The following CAMTA1 variants were observed in gnomAD, a reference collection of about 807,000 sequenced individuals.
The protein encoded by CAMTA1 is calmodulin-binding transcription activator 1.
Under a neutral mutation model 170.9 loss-of-function variants are expected in CAMTA1, and 27 were observed. The observed-to-expected ratio is 0.16, with a 90% CI of 0.12 to 0.22. The LOEUF (loss-of-function observed/expected upper bound fraction) is 0.22, where lower values mean the gene tolerates loss of function less well. Ranked by LOEUF, CAMTA1 falls within the 10% of genes least tolerant of loss-of-function variation. CAMTA1 has a pLI of 1.00. For missense variants in CAMTA1, 1,619 were observed against 2,217.2 expected (o/e 0.73, Z 5.42); for synonymous variants, 833 against 891.5 (o/e 0.93, Z 1.17).
At chr1:6,788,395 C>T (rs1422116008) in intron 1 of CAMTA1, among the ~76,000 whole-genome samples, 2 of 152,188 alleles carry the variant, frequency 1.3e-5, no homozygotes, top group Non-Finnish European at 2.9e-5. Flanking sequence ...GAGATTGGGT[C>T]AGCGCTAGTT....
intron 2 of CAMTA1, among the ~76,000 whole-genome samples, chr1:6,823,600 T>C (rs1646772056): frequency 6.6e-6 from 1 of 152,156 alleles, no homozygotes; most frequent in African/African-American, 2.4e-5. Flanking sequence ...TTCTATATGA[T>C]GTAGTAAATT....
At chr1:7,078,210 G>T (rs1036634587) in intron 3 of CAMTA1, among the ~76,000 whole-genome samples, 2 of 152,216 alleles carry the variant, frequency 1.3e-5, no homozygotes, top group Admixed American at 6.5e-5. Flanking sequence ...CAAGGTTGAA[G>T]AAGAAGCCAA....
chr1:7,586,520 G>C (rs994895046), intron 6 of CAMTA1, among the ~76,000 whole-genome samples: 1 of 152,132 alleles, frequency 6.6e-6, no homozygotes, highest in African/African-American at 2.4e-5. Flanking sequence ...GCCCAGGCCA[G>C]GCTGTGAAGC....
intron 1 of CAMTA1, among the ~76,000 whole-genome samples, chr1:6,816,748 T>C (rs1645870163): frequency 6.6e-6 from 1 of 152,226 alleles, no homozygotes; most frequent in East Asian, 1.9e-4. Context: ...CTGCAGGTGC[T>C]TAAGGCCAGC....
chr1:7,181,906 T>G (rs1652246583), intron 4 of CAMTA1, among the ~76,000 whole-genome samples: 2 of 152,032 alleles, frequency 1.3e-5, no homozygotes, highest in South Asian at 2.1e-4. Flanking sequence ...ACGATAACCC[T>G]GCAAATTAAG....
intron 6 of CAMTA1, among the ~76,000 whole-genome samples, chr1:7,493,997 C>A (rs999651814): frequency 2.0e-5 from 3 of 152,084 alleles, no homozygotes; most frequent in African/African-American, 4.8e-5. Flanking sequence ...GGAGGGCTAG[C>A]GGGGTAATTT....
intron 6 of CAMTA1, among the ~76,000 whole-genome samples, chr1:7,519,220 A>T (rs2094327739): frequency 2.0e-5 from 3 of 152,064 alleles, no homozygotes; most frequent in African/African-American, 7.3e-5. Flanking sequence ...GCTTTCTGCC[A>T]CTGAGGAGGA....
chr1:7,352,488 A>T (rs115417341), intron 5 of CAMTA1, among the ~76,000 whole-genome samples: 1 of 152,184 alleles, frequency 6.6e-6, no homozygotes, highest in Non-Finnish European at 1.5e-5. Flanking sequence ...GGCTGAGCTG[A>T]TGACTCTGTC....
At chr1:6,975,846 G>C (rs1385458461) in intron 3 of CAMTA1, among the ~76,000 whole-genome samples, 1 of 152,144 alleles carries the variant, frequency 6.6e-6, no homozygotes, top group African/African-American at 2.4e-5. Context: ...CCACCAATCT[G>C]CTTTCTATCT....
intron 4 of CAMTA1, among the ~76,000 whole-genome samples, chr1:7,194,354 GA>G (rs1655116595): frequency 6.7e-6 from 1 of 149,650 alleles, no homozygotes. Flanking sequence ...AGTGCAGCTG[GA>G]AAACATCTAC....
At chr1:6,884,335 C>CACACACAA (rs776481131) in intron 3 of CAMTA1, among the ~76,000 whole-genome samples, 8,084 of 143,436 alleles carry the variant, frequency 0.056, 249 homozygotes, top group Admixed American at 0.065. Context: ...CACACACACA[C>CACACACAA]AATTTTGTTT....
intron 5 of CAMTA1, among the ~76,000 whole-genome samples, chr1:7,429,317 T>C (rs1179750143): frequency 6.6e-6 from 1 of 152,252 alleles, no homozygotes; most frequent in African/African-American, 2.4e-5. Context: ...GTTCAACACA[T>C]GGAAACTATT....
intron 4 of CAMTA1, among the ~76,000 whole-genome samples, chr1:7,106,940 A>G (rs1387849555): frequency 2.0e-5 from 3 of 152,130 alleles, no homozygotes; most frequent in Non-Finnish European, 2.9e-5. Context: ...AGATGCTATC[A>G]GTAATGTGCA....
intron 22 of CAMTA1, among the ~76,000 whole-genome samples, chr1:7,759,210 G>A (rs1205204207): frequency 1.3e-5 from 2 of 152,052 alleles, no homozygotes; most frequent in African/African-American, 2.4e-5. Flanking sequence ...AAATTTTATG[G>A]GACAGTATTT....
chr1:6,791,911 C>T (rs6664814), intron 1 of CAMTA1, among the ~76,000 whole-genome samples: 32,751 of 151,846 alleles, frequency 0.22, 3,814 homozygotes, highest in African/African-American at 0.31. Context: ...GAGGGACTTA[C>T]AAACATATAG....
At chr1:6,992,446 A>G (rs1696536291) in intron 3 of CAMTA1, among the ~76,000 whole-genome samples, 1 of 152,182 alleles carries the variant, frequency 6.6e-6, no homozygotes, top group African/African-American at 2.4e-5. Context: ...CTTATTGTGA[A>G]GATATTCTCC....
intron 4 of CAMTA1, among the ~76,000 whole-genome samples, chr1:7,230,783 GA>G (rs1662643050): frequency 6.6e-6 from 1 of 152,170 alleles, no homozygotes; most frequent in Non-Finnish European, 1.5e-5. Context: ...CAGCCCCCGG[GA>G]GCCACGCCAG....
intron 6 of CAMTA1, among the ~76,000 whole-genome samples, chr1:7,554,005 G>C (rs2094843731): frequency 6.6e-6 from 1 of 152,178 alleles, no homozygotes; most frequent in Admixed American, 6.5e-5. Flanking sequence ...ATGGGTTCTG[G>C]ACTCTAAAAT....
chr1:7,470,266 T>G (rs900606362), intron 6 of CAMTA1, among the ~76,000 whole-genome samples: 1 of 152,234 alleles, frequency 6.6e-6, no homozygotes, highest in Admixed American at 6.5e-5. Flanking sequence ...GCCAAAGCAA[T>G]TAGCACAATG....
Sources: allele counts gnomAD v4.1 joint callset (sites outside exome capture counted in the v4.1 genomes callset), GRCh38; gene constraint gnomAD v4.1.1; transcripts MANE v1.5; gene names NCBI Gene and HGNC (gene_info 2026-07-23, HGNC 2026-07-21).